The following RPL10A variants were observed in gnomAD, a reference collection of about 807,000 sequenced individuals.
RPL10A encodes large ribosomal subunit protein uL1.
Under a neutral mutation model 24.6 loss-of-function variants are expected in RPL10A, and 11 were observed. The observed-to-expected ratio is 0.45, with a 90% confidence interval of 0.28 to 0.74. RPL10A has a LOEUF of 0.74. Among genes scored for constraint, RPL10A ranks in the 30% least tolerant of loss-of-function variants. The probability of loss-of-function intolerance (pLI) is 0.13; values close to 1 mark genes in which losing one functional copy is unlikely to be tolerated. For missense variants in RPL10A, 136 were observed against 273.1 expected, an observed-to-expected ratio of 0.50 and a Z score of 3.54; for synonymous variants, 98 against 108.5, an observed-to-expected ratio of 0.90 and a Z score of 0.60.
rs746479375 is a variant in RPL10A, at chr6:35,470,240, C to T, written c.372C>T (p.Leu124=). Residue 124 remains leucine (L), a synonymous_variant, in exon 5 of 6, where the codon CTC becomes CTT. Coordinates refer to ENST00000322203, the MANE Select transcript of RPL10A (RefSeq NM_007104.5). This position sits in a 1 kb window ranked among gnomAD's most constrained non-coding sequence, Gnocchi z 4.6. ...TGATCAAGCAGATTCCACGAATCCT[C>T]GGCCCAGGTTTAAATAAGGCAGGAA... ...ESLIKQIPRI[L]GPGLNKAGKF... The T allele has an allele frequency of 8.7e-6, 14 of 1,612,496 alleles. No individual in the cohort carries two copies. Among genetic ancestry groups the T allele is most frequent in the East Asian group, 2.2e-5 (1 of 44,880 alleles).
chr6:35,470,291 C>T lies in RPL10A; in HGVS notation c.423C>T (p.Asn141=), dbSNP rs762161559. The T allele has an allele frequency of 1.9e-6, 3 of 1,606,072 alleles. No individual in the cohort carries two copies. The highest frequency in any genetic ancestry group is 1.3e-5 in the African/African-American group (1 of 74,898). ...AGKFPSLLTH[N]ENMVAKVDEV... is the part of the protein sequence containing the mutation. ...AGTTCCCTTCCCTGCTCACACACAA[C>T]GAAAACATGGTGGCCAAAGTGGATG... The change falls in exon 5 of 6, where the codon AAC becomes AAT. Residue 141 remains asparagine, a synonymous_variant. Transcript: ENST00000322203. This position sits in a 1 kb window ranked among gnomAD's most constrained non-coding sequence, Gnocchi z 4.6.
At chr6:35,469,618 AG>A in intron 4 of RPL10A, 89 bp downstream of exon 4, 1 of 1,419,848 alleles carries the variant, frequency 7.0e-7, no homozygotes, top group Non-Finnish European at 9.5e-7. Context: ...TTAAATGATG[AG>A]GGGCCTAGAA....
intron 1 of RPL10A, 147 bp from the exon 2 acceptor site, chr6:35,468,652 C>T (rs11758353): frequency 3.3e-6 from 5 of 1,514,308 alleles, no homozygotes; most frequent in Non-Finnish European, 4.4e-6. Context: ...GGTCTGAGCT[C>T]CCGTCGCTCT....
rs142199966 is a variant in RPL10A, at chr6:35,469,528, G to A, written c.309G>A (p.Leu103=). The change falls in exon 4 of 6, where the codon CTG becomes CTA. Residue 103 remains leucine (L), a splice_region_variant and synonymous_variant. Transcript: ENST00000322203. ...AGAATAAAAAACTGGTCAAGAAGCT[G>A]GGTGAGTCCGGCCGCTGTGGTTTTG... is the stretch of plus-strand genomic sequence containing the variant. ...LNKNKKLVKK[L]AKKYDAFLAS... is the part of the protein sequence containing the mutation. 12 of 1,612,668 alleles carry A rather than the reference G, an allele frequency of 7.4e-6. No individual in the cohort carries two copies. In the African/African-American group the frequency reaches 1.5e-4, roughly 20 times the overall value.
Position 35,468,929 on chromosome 6 carries a change from C to G in RPL10A, c.81-18C>G. On this transcript the variant is annotated intron_variant, in intron 2 of 5. Transcript: ENST00000322203. ...TGGCGAGGGCCGGCGGGTGCTTAAC[C>G]CCCCTCCTCTCTCGAAGGTTCCTGG... 6.2e-7 allele frequency: 1 copy of G among 1,613,876 alleles called. No individual in the cohort carries two copies. The highest frequency in any genetic ancestry group is 8.5e-7 in the Non-Finnish European group (1 of 1,179,886).
In RPL10A at chr6:35,468,985, A is replaced by C; in HGVS notation, c.119A>C (p.Asn40Thr). The change falls in exon 3 of 6, where the codon AAC becomes ACC. Residue 40 changes from asparagine to threonine, a missense_variant. By Grantham distance (65) the Asn-to-Thr change is moderately conservative (BLOSUM62 0). Coordinates refer to ENST00000322203, the MANE Select transcript of RPL10A (RefSeq NM_007104.5). ...GTGGAGTTGCAGATCAGCTTGAAGA[A>C]CTATGATCCCCAGAAGGACAAGCGC... ...ETVELQISLKNYDPQKDKRFS... is the reference protein window; with the variant it reads ...ETVELQISLKTYDPQKDKRFS... The C allele has an allele frequency of 6.2e-7, 1 of 1,613,580 alleles. No individual in the cohort carries two copies. Among genetic ancestry groups the C allele is most frequent in the Non-Finnish European group, 8.5e-7 (1 of 1,179,920 alleles).
chr6:35,469,049 C>G, intron 3 of RPL10A, 22 bp downstream of exon 3: 1 of 1,610,962 alleles, frequency 6.2e-7, no homozygotes, highest in Non-Finnish European at 8.5e-7. Context: ...TCTGATCCCA[C>G]CCAGCCCTCA....
chr6:35,468,427 G>A lies in RPL10A; in HGVS notation c.-8G>A, dbSNP rs778117093. 12 of 1,613,940 alleles carry A rather than the reference G, an allele frequency of 7.4e-6. No individual in the cohort carries two copies. Among genetic ancestry groups the A allele is most frequent in the Admixed American group, 1.7e-5 (1 of 60,004 alleles). On this transcript the variant is annotated 5_prime_UTR_variant, in exon 1 of 6. Transcript: ENST00000322203. ...GTCTCTTTTCCGGTTAGCGCGGCGT[G>A]AGAAGCCATGAGGTGAGTTGGTCCT... is the stretch of plus-strand genomic sequence containing the variant.
intron 3 of RPL10A, 114 bp from the exon 4 acceptor site, chr6:35,469,267 G>A (rs527567495): frequency 6.6e-7 from 1 of 1,506,232 alleles, no homozygotes; most frequent in Admixed American, 2.3e-5. Context: ...CTGGCTGCTG[G>A]TGAATGTGAA....
chr6:35,468,672 C>G (rs561815267), intron 1 of RPL10A, 127 bp from the exon 2 acceptor site: 5 of 1,518,004 alleles, frequency 3.3e-6, no homozygotes, highest in Admixed American at 2.1e-5. Flanking sequence ...TACTTGGTGT[C>G]CGGAATCTAC....
Position 35,470,333 on chromosome 6 carries a change from C to T in RPL10A, c.465C>T (p.Ile155=). The T allele has an allele frequency of 6.2e-7, 1 of 1,602,356 alleles. No individual in the cohort carries two copies. Among genetic ancestry groups the T allele is most frequent in the South Asian group, 1.1e-5 (1 of 91,046 alleles). Residue 155 remains isoleucine (I), a synonymous_variant, in exon 5 of 6, where the codon ATC becomes ATT. Transcript: ENST00000322203. The surrounding 1 kb of genome is among the most constrained non-coding windows in gnomAD (Gnocchi z 4.6). ...VAKVDEVKST[I]KFQMKKVLCL... ...AAGTGGATGAGGTGAAGTCCACAAT[C>T]AAGTTCCAAATGAAGAAGGTGAGTG...
chr6:35,468,472 A>G (rs747903393), intron 1 of RPL10A, 33 bp downstream of exon 1: 4 of 1,613,810 alleles, frequency 2.5e-6, no homozygotes, highest in Non-Finnish European at 3.4e-6. Flanking sequence ...ATCCGCGTTC[A>G]TCCGCGCCTT....
chr6:35,469,552 T>G (rs1235372461), intron 4 of RPL10A, 23 bp downstream of exon 4: 1 of 1,608,352 alleles, frequency 6.2e-7, no homozygotes, highest in South Asian at 1.1e-5. Flanking sequence ...GCTGTGGTTT[T>G]GCATGTGAGA....
chr6:35,468,749 G>A (rs972331181), intron 1 of RPL10A, 50 bp from the exon 2 acceptor site: 3 of 1,553,606 alleles, frequency 1.9e-6, no homozygotes, highest in African/African-American at 2.7e-5. Flanking sequence ...CAGGCAGTCC[G>A]AGCGTGTGGA....
chr6:35,469,356 G>T, intron 3 of RPL10A, 25 bp from the exon 4 acceptor site: 1 of 1,583,544 alleles, frequency 6.3e-7, no homozygotes. Flanking sequence ...GGCGTAACCT[G>T]TTGGTGCTGT....
rs1561800227 is a variant in RPL10A, at chr6:35,470,186, G to T, written c.318G>T (p.Lys106Asn). 2 of 1,613,248 alleles carry T rather than the reference G, an allele frequency of 1.2e-6. No homozygotes were observed. The highest frequency in any genetic ancestry group is 1.7e-6 in the Non-Finnish European group (2 of 1,179,522). ...NKKLVKKLAKKYDAFLASESL... is the reference protein window; with the variant it reads ...NKKLVKKLAKNYDAFLASESL... ...GCTTCCTCTCTCTATCAGCCAAGAA[G>T]TATGATGCGTTTTTGGCCTCAGAGT... Residue 106 changes from lysine (K) to asparagine (N), a missense_variant, in exon 5 of 6, where the codon AAG (lysine) becomes AAT (asparagine). Lys to Asn is a moderately conservative substitution (Grantham distance 94, BLOSUM62 0). This residue lies in a region of RPL10A where 88 missense variants were observed against 149.2 expected (regional missense o/e 0.59). Coordinates refer to ENST00000322203, the MANE Select transcript of RPL10A (RefSeq NM_007104.5). This position sits in a 1 kb window ranked among gnomAD's most constrained non-coding sequence, Gnocchi z 4.6.
In RPL10A at chr6:35,468,853, G is replaced by A. The variant is rs45560246; in HGVS notation, c.60G>A (p.Gly20=). ...LYEAVREVLH[G]NQRKRRKFLE... is the part of the protein sequence containing the mutation. ...AGGCGGTGCGGGAAGTCCTGCACGG[G>A]AACCAGCGCAAGCGCCGCAAGTGAG... is the stretch of plus-strand genomic sequence containing the variant. The change falls in exon 2 of 6, where the codon GGG becomes GGA. Residue 20 remains glycine, a synonymous_variant. Transcript: ENST00000322203. The A allele has an allele frequency of 4.3e-6, 7 of 1,612,412 alleles. No homozygotes were observed. Among genetic ancestry groups the A allele is most frequent in the Non-Finnish European group, 5.9e-6 (7 of 1,179,358 alleles).
chr6:35,469,320 T>C, intron 3 of RPL10A, 61 bp from the exon 4 acceptor site: 1 of 1,527,816 alleles, frequency 6.5e-7, no homozygotes, highest in Admixed American at 2.2e-5. Flanking sequence ...CCCAGACCCT[T>C]CACCGGCCCT....
In RPL10A at chr6:35,470,126, G is replaced by A; in HGVS notation, c.311-53G>A. 1 of 1,555,484 alleles carries A rather than the reference G, an allele frequency of 6.4e-7. No individual in the cohort carries two copies. Among genetic ancestry groups the A allele is most frequent in the Non-Finnish European group, 8.8e-7 (1 of 1,138,110 alleles). On this transcript the variant is annotated intron_variant, in intron 4 of 5. Transcript: ENST00000322203. This position sits in a 1 kb window ranked among gnomAD's most constrained non-coding sequence, Gnocchi z 4.6. ...GTTTCTGGCCTGCCACATTTGAGGTGTGCCTTGGTGACCAGGTTCTAAGCA... is the reference window on the plus strand; with the variant it reads ...GTTTCTGGCCTGCCACATTTGAGGTATGCCTTGGTGACCAGGTTCTAAGCA...
Sources: allele counts gnomAD v4.1 joint callset, GRCh38; gene constraint gnomAD v4.1.1; regional missense constraint gnomAD v4.1.1; non-coding constraint Gnocchi (gnomAD v3.1); transcripts MANE v1.5; gene names NCBI Gene and HGNC (gene_info 2026-07-23, HGNC 2026-07-21).